PPFIBP1: variants seen among roughly 807,000 people sequenced by gnomAD.
The protein encoded by PPFIBP1 is PPFIB scaffold protein 1.
A neutral mutation model predicts 137.8 loss-of-function variants in PPFIBP1; 112 were observed. That is an observed-to-expected ratio of 0.81 (90% CI 0.70 to 0.95). The LOEUF is 0.95. PPFIBP1 is among the 40% of genes least tolerant of loss of function. PPFIBP1 has a pLI of 0.00. For missense variants in PPFIBP1, 1,083 were observed against 1,196.6 expected, an observed-to-expected ratio of 0.91 and a Z score of 1.40; for synonymous variants, 378 against 417.3, an observed-to-expected ratio of 0.91 and a Z score of 1.15.
intron 2 of PPFIBP1, among the ~76,000 whole-genome samples, chr12:27,583,434 A>G (rs16932208): frequency 0.017 from 2,574 of 152,222 alleles, 68 homozygotes; most frequent in African/African-American, 0.059. Context: ...AAAGTTTTGG[A>G]TGATTTGGTG....
intron 1 of PPFIBP1, among the ~76,000 whole-genome samples, chr12:27,526,582 C>G (rs1212120051): frequency 1.3e-5 from 2 of 152,120 alleles, no homozygotes; most frequent in Non-Finnish European, 2.9e-5. Flanking sequence ...ACCTGTAATC[C>G]AAGCACTTTA....
At chr12:27,564,632 C>A (rs1362710933) in intron 1 of PPFIBP1, among the ~76,000 whole-genome samples, 1 of 152,204 alleles carries the variant, frequency 6.6e-6, no homozygotes, top group Non-Finnish European at 1.5e-5. Flanking sequence ...AGTTCATCTT[C>A]CCTCTGGCCT....
intron 2 of PPFIBP1, among the ~76,000 whole-genome samples, chr12:27,624,597 T>G (rs939250023): frequency 5.3e-5 from 8 of 152,274 alleles, no homozygotes; most frequent in African/African-American, 1.9e-4. Context: ...TTTACTTGAT[T>G]ACTTACTAGC....
rs2059379730 is a variant in PPFIBP1, at chr12:27,658,953, G to A, written c.844+105G>A. ...ACATTTCTCTCACCAAAGATGTAAA[G>A]TTGCTTCATCAATAAGCCCTCCATT... is the stretch of plus-strand genomic sequence containing the variant. On this transcript the variant is annotated intron_variant, in intron 10 of 29. Coordinates refer to ENST00000228425, the MANE Select transcript of PPFIBP1 (RefSeq NM_003622.4). 7.6e-6 allele frequency: 9 copies of A among 1,186,336 alleles called. No homozygotes were observed. In the Admixed American group the frequency reaches 1.3e-4, roughly 17 times the overall value. 73.5% of individuals were successfully genotyped at this position (1,186,336 alleles called of 1,614,324 possible).
chr12:27,603,267 C>T (rs181436141), intron 2 of PPFIBP1, among the ~76,000 whole-genome samples: 2 of 152,286 alleles, frequency 1.3e-5, no homozygotes, highest in Admixed American at 6.5e-5. Flanking sequence ...GGCTTTGCTG[C>T]ATCTATAAAA....
At chr12:27,681,521 C>A in intron 21 of PPFIBP1, 25 bp from the exon 22 acceptor site, 1 of 1,607,090 alleles carries the variant, frequency 6.2e-7, no homozygotes, top group African/African-American at 1.3e-5. Context: ...GATTATTTTT[C>A]ATGCAATTAC....
At chr12:27,585,388 C>T (rs1565816688) in intron 2 of PPFIBP1, among the ~76,000 whole-genome samples, 1 of 152,198 alleles carries the variant, frequency 6.6e-6, no homozygotes, top group African/African-American at 2.4e-5. Flanking sequence ...CCTGCACCCC[C>T]CTCATATAAA....
Position 27,676,527 on chromosome 12 carries a change from G to C in PPFIBP1, c.1510G>C (p.Val504Leu), listed in dbSNP as rs748483186. The C allele has an allele frequency of 6.2e-7, 1 of 1,610,084 alleles. No individual in the cohort carries two copies. Among genetic ancestry groups the C allele is most frequent in the South Asian group, 1.1e-5 (1 of 90,664 alleles). ...TGACAACCCCTTCGGCACTCGAAAA[G>C]TCAGATCTTCCTTTGGCCGGGGCTT... ...MDDNPFGTRK[V>L]RSSFGRGFFK... Residue 504 changes from valine (V) to leucine (L), a missense_variant, in exon 18 of 30, where the codon GTC becomes CTC. Transcript: ENST00000228425.
At chr12:27,567,924 G>A (rs1222613432) in intron 1 of PPFIBP1, among the ~76,000 whole-genome samples, 3 of 152,064 alleles carry the variant, frequency 2.0e-5, no homozygotes, top group Non-Finnish European at 2.9e-5. Context: ...AAGAGGTGGG[G>A]TATTGCTATG....
intron 2 of PPFIBP1, among the ~76,000 whole-genome samples, chr12:27,583,195 A>G (rs771303963): frequency 6.6e-6 from 1 of 152,186 alleles, no homozygotes; most frequent in Non-Finnish European, 1.5e-5. Flanking sequence ...AAGCTTTTCA[A>G]CAAATCTGCA....
chr12:27,635,228 C>A, intron 4 of PPFIBP1, 113 bp downstream of exon 4: 1 of 938,498 alleles, frequency 1.1e-6, no homozygotes, highest in East Asian at 2.5e-5. Context: ...ACATGTGCTC[C>A]GATTTTATTA....
At position 27,689,150 on chromosome 12, in the gene PPFIBP1, G is replaced by A. The variant is rs778951327; in HGVS notation, c.2632G>A (p.Asp878Asn). ...IGAEAQHQKR[D>N]AMELPDYVLL... ...GGCTGAGGCACAGCACCAGAAGCGA[G>A]ATGCCATGGAGCTGCCGGATTATGT... Residue 878 changes from aspartate (D) to asparagine (N), a missense_variant, in exon 27 of 30, where the codon GAT becomes AAT. Asp to Asn is a conservative substitution (Grantham distance 23, BLOSUM62 1). Coordinates refer to ENST00000228425, the MANE Select transcript of PPFIBP1 (RefSeq NM_003622.4). 1.3e-6 allele frequency: 2 copies of A among 1,599,904 alleles called. No individual in the cohort carries two copies. The highest frequency in any genetic ancestry group is 1.1e-5 in the South Asian group (1 of 87,578).
chr12:27,638,448 G>C (rs10771352), intron 4 of PPFIBP1, among the ~76,000 whole-genome samples: 89,343 of 151,958 alleles, frequency 0.59, 26,804 homozygotes, highest in Admixed American at 0.65. Flanking sequence ...TTGGCCCTAA[G>C]TCTTTGAAGC....
chr12:27,571,963 T>C (rs540756329), intron 1 of PPFIBP1, among the ~76,000 whole-genome samples: 1 of 152,306 alleles, frequency 6.6e-6, no homozygotes, highest in African/African-American at 2.4e-5. Flanking sequence ...AGGACATTTA[T>C]AGAATGCTTT....
intron 2 of PPFIBP1, among the ~76,000 whole-genome samples, chr12:27,587,936 GGTTGTCAT>G (rs2051984933): frequency 6.6e-6 from 1 of 152,054 alleles, no homozygotes; most frequent in Non-Finnish European, 1.5e-5. Context: ...AATAGCAATT[GGTTGTCAT>G]GTTTCTTTCA....
rs1205790099 is a variant in PPFIBP1 at position 27,667,249 on chromosome 12, A to C, written c.1075A>C (p.Lys359Gln). The change falls in exon 13 of 30, where the codon AAA (lysine) becomes CAA (glutamine). Residue 359 changes from lysine to glutamine, a missense_variant. Transcript: ENST00000228425. Reference sequence around the variant, plus strand: ...TGCACAGGGTTTCAGTGATCTGGAGAAAAGTCCATCACCCACTCCAGTAAT... The same window carrying C: ...TGCACAGGGTTTCAGTGATCTGGAGCAAAGTCCATCACCCACTCCAGTAAT... ...LDAQGFSDLE[K>Q]SPSPTPVMGS... 6.2e-7 allele frequency: 1 copy of C among 1,613,864 alleles called. No individual in the cohort carries two copies. The highest frequency in any genetic ancestry group is 2.2e-5 in the East Asian group (1 of 44,872).
Position 27,679,914 on chromosome 12 carries a change from T to C in PPFIBP1, c.1767-19T>C. 1 of 1,613,994 alleles carries C rather than the reference T, an allele frequency of 6.2e-7. No homozygotes were observed. The highest frequency in any genetic ancestry group is 8.5e-7 in the Non-Finnish European group (1 of 1,179,920). On this transcript the variant is annotated intron_variant, in intron 20 of 29. Coordinates refer to ENST00000228425, the MANE Select transcript of PPFIBP1 (RefSeq NM_003622.4). Reference sequence around the variant, plus strand: ...GCCTCCTCAGGTCTAATACTGGCCATGTGTGTTGTCTTCTTTAGACTTAGG... The same window carrying C: ...GCCTCCTCAGGTCTAATACTGGCCACGTGTGTTGTCTTCTTTAGACTTAGG...
chr12:27,591,878 C>T (rs11049060), intron 2 of PPFIBP1, among the ~76,000 whole-genome samples: 16,320 of 152,176 alleles, frequency 0.11, 1,385 homozygotes, highest in East Asian at 0.41. Flanking sequence ...AATTAATTTC[C>T]TCAGTGACTC....
chr12:27,665,850 T>A (rs1235590962), intron 12 of PPFIBP1, among the ~76,000 whole-genome samples: 2 of 152,194 alleles, frequency 1.3e-5, no homozygotes, highest in Non-Finnish European at 2.9e-5. Context: ...TTTATAAATA[T>A]CTGAGTGAGC....
Sources: allele counts gnomAD v4.1 joint callset (sites outside exome capture counted in the v4.1 genomes callset), GRCh38; gene constraint gnomAD v4.1.1; transcripts MANE v1.5; gene names NCBI Gene and HGNC (gene_info 2026-07-23, HGNC 2026-07-21).